The following NEGR1 variants were observed in gnomAD, a reference collection of about 807,000 sequenced individuals.
NEGR1 encodes the protein neuronal growth regulator 1, also known as IgLON family member 4.
In NEGR1, 10 loss-of-function variants were observed where a neutral mutation model predicts 40.9. That is an observed-to-expected ratio of 0.24 (90% confidence interval 0.15 to 0.42). The LOEUF is 0.42. NEGR1 is among the 10% of genes least tolerant of loss of function. The probability of loss-of-function intolerance (pLI) is 1.00; values close to 1 mark genes in which losing one functional copy is unlikely to be tolerated. For missense variants in NEGR1, 352 were observed against 438.9 expected (o/e 0.80, Z 1.77); for synonymous variants, 185 against 166.8 (o/e 1.11, Z -0.84).
chr1:71,786,530 AG>A (rs2101730075), intron 2 of NEGR1, among the ~76,000 whole-genome samples: 1 of 152,274 alleles, frequency 6.6e-6, no homozygotes, highest in Admixed American at 6.5e-5. Context: ...ACCCACAGCA[AG>A]GGTTAGTATT....
chr1:72,101,802 C>G (rs943064363), intron 1 of NEGR1, among the ~76,000 whole-genome samples: 1 of 152,184 alleles, frequency 6.6e-6, no homozygotes, highest in East Asian at 1.9e-4. Context: ...CAAGGACCTC[C>G]TAATACAGAG....
chr1:71,744,033 C>T (rs1357502318), intron 3 of NEGR1, among the ~76,000 whole-genome samples: 7 of 151,992 alleles, frequency 4.6e-5, no homozygotes, highest in East Asian at 1.9e-4. Flanking sequence ...TTAGATGACC[C>T]GAGGATTAAT....
At chr1:71,921,402 C>T (rs1036031089) in intron 2 of NEGR1, among the ~76,000 whole-genome samples, 1 of 152,008 alleles carries the variant, frequency 6.6e-6, no homozygotes, top group African/African-American at 2.4e-5. Context: ...CTTCAAGAGT[C>T]CATGTACACT....
intron 6 of NEGR1, among the ~76,000 whole-genome samples, chr1:71,524,694 G>T (rs1647196565): frequency 6.6e-6 from 1 of 151,614 alleles, no homozygotes; most frequent in Non-Finnish European, 1.5e-5. Context: ...TGTAGCTAAG[G>T]GGAATTAAGG....
At chr1:71,420,751 T>C (rs1221476462) in intron 6 of NEGR1, among the ~76,000 whole-genome samples, 3 of 152,072 alleles carry the variant, frequency 2.0e-5, no homozygotes, top group African/African-American at 7.2e-5. Flanking sequence ...TTCCAGAATA[T>C]TGCACTGCTC....
chr1:72,243,347 GA>G (rs765066579), intron 1 of NEGR1, among the ~76,000 whole-genome samples: 24 of 151,680 alleles, frequency 1.6e-4, no homozygotes, highest in Non-Finnish European at 2.8e-4. Flanking sequence ...GTATAAATGA[GA>G]AGCAAAAATC....
At chr1:71,916,325 CCTTACT>C (rs1404487349) in intron 2 of NEGR1, among the ~76,000 whole-genome samples, 2 of 151,958 alleles carry the variant, frequency 1.3e-5, no homozygotes, top group African/African-American at 2.4e-5. Context: ...TTATGTTCTC[CCTTACT>C]AATCATCAGG....
chr1:71,910,923 C>T (rs1661406599), intron 2 of NEGR1, among the ~76,000 whole-genome samples: 1 of 152,034 alleles, frequency 6.6e-6, no homozygotes, highest in African/African-American at 2.4e-5. Context: ...GTTTCAAACT[C>T]CTGAGCTCAA....
chr1:71,559,359 A>G (rs1379867464), intron 6 of NEGR1, among the ~76,000 whole-genome samples: 1 of 151,464 alleles, frequency 6.6e-6, no homozygotes, highest in East Asian at 2.0e-4. Flanking sequence ...TAATTTCACA[A>G]AGTTACTTAG....
chr1:71,434,764 C>A (rs1646495090), intron 6 of NEGR1, among the ~76,000 whole-genome samples: 2 of 152,092 alleles, frequency 1.3e-5, no homozygotes, highest in South Asian at 2.1e-4. Flanking sequence ...GACAAATAAT[C>A]CAGTGTAAGG....
At chr1:72,211,151 G>A (rs1035354940) in intron 1 of NEGR1, among the ~76,000 whole-genome samples, 4 of 151,552 alleles carry the variant, frequency 2.6e-5, no homozygotes, top group Non-Finnish European at 4.4e-5. Context: ...TCCATCAATA[G>A]GATTCTAATC....
intron 1 of NEGR1, among the ~76,000 whole-genome samples, chr1:72,125,501 T>G (rs1301084295): frequency 6.6e-6 from 1 of 152,044 alleles, no homozygotes; most frequent in Admixed American, 6.6e-5. Context: ...CTGAATTGCA[T>G]AGGCTTATTA....
chr1:71,621,402 A>C (rs1198798421), intron 4 of NEGR1, among the ~76,000 whole-genome samples: 1 of 151,898 alleles, frequency 6.6e-6, no homozygotes, highest in African/African-American at 2.4e-5. Context: ...GTGGTGGTAC[A>C]TTACTTGGGT....
chr1:71,598,756 T>C (rs747142779), intron 5 of NEGR1, among the ~76,000 whole-genome samples: 1 of 152,216 alleles, frequency 6.6e-6, no homozygotes, highest in Non-Finnish European at 1.5e-5. Context: ...TTTAGAGTAA[T>C]CCTAAAATTC....
rs535053423 is a variant in NEGR1 at position 72,060,508 on chromosome 1, C to T, written c.177-125197G>A. ...CTTGAGTTAAGCTTATGTGTTTCTG[C>T]TTGTCTAGAAATTTTTAATGAAAGA... On this transcript the variant is annotated intron_variant, in intron 1 of 6. Transcript: ENST00000357731. 3.3e-5 allele frequency among the ~76,000 whole-genome samples: 5 copies of T among 151,732 alleles called. No homozygotes were observed. In the South Asian group the frequency reaches 1.0e-3, roughly 31 times the overall value.
chr1:72,112,383 T>A (rs1053690929), intron 1 of NEGR1, among the ~76,000 whole-genome samples: 1 of 151,760 alleles, frequency 6.6e-6, no homozygotes, highest in South Asian at 2.1e-4. Flanking sequence ...TATTTCATTT[T>A]TTCCAAAATT....
At chr1:72,164,233 A>G (rs905774070) in intron 1 of NEGR1, among the ~76,000 whole-genome samples, 8 of 151,998 alleles carry the variant, frequency 5.3e-5, no homozygotes, top group Non-Finnish European at 1.2e-4. Flanking sequence ...AAAAGGCCCT[A>G]GTCTTTCTTA....
intron 2 of NEGR1, among the ~76,000 whole-genome samples, chr1:71,835,477 T>G (rs1227514491): frequency 6.6e-6 from 1 of 152,132 alleles, no homozygotes; most frequent in Admixed American, 6.6e-5. Context: ...TCCTGCAACC[T>G]CTCTACTTCC....
intron 2 of NEGR1, among the ~76,000 whole-genome samples, chr1:71,858,907 A>G (rs1414852892): frequency 3.3e-5 from 5 of 151,904 alleles, no homozygotes; most frequent in Non-Finnish European, 5.9e-5. Context: ...TTCCCCACCA[A>G]TGCTGCTCCT....
Sources: allele counts gnomAD v4.1 joint callset (sites outside exome capture counted in the v4.1 genomes callset), GRCh38; gene constraint gnomAD v4.1.1; transcripts MANE v1.5; gene names NCBI Gene and HGNC (gene_info 2026-07-23, HGNC 2026-07-21).